DNAH3: variants seen among roughly 807,000 people sequenced by gnomAD.
The protein encoded by DNAH3 is dynein axonemal heavy chain 3.
Under a neutral mutation model 432.5 loss-of-function variants are expected in DNAH3, and 332 were observed. The ratio of observed to expected loss-of-function variants is 0.77; its 90% CI spans 0.70 to 0.84. The LOEUF (loss-of-function observed/expected upper bound fraction) is 0.84. Ranked by LOEUF, DNAH3 falls within the 40% of genes least tolerant of loss-of-function variation. The pLI, the probability that DNAH3 is intolerant of heterozygous loss-of-function variation, is 0.00. For synonymous variants in DNAH3, 1,956 were observed against 1,900.2 expected, an observed-to-expected ratio of 1.03 and a Z score of -0.76; for missense variants, 4,861 against 5,114.0, an observed-to-expected ratio of 0.95 and a Z score of 1.51.
rs1696337143 is a variant in DNAH3 at position 20,984,198 on chromosome 16, CGCATGCGTGCGTGTGTGT to C, written c.7665+861_7665+878del. Among the ~76,000 whole-genome samples, 6 of 150,122 alleles carry C rather than the reference CGCATGCGTGCGTGTGTGT, an allele frequency of 4.0e-5. No homozygotes were observed. In the South Asian group the frequency reaches 1.3e-3, roughly 32 times the overall value. ...GTGTGTGTATATGTGTGCACGTGTG[CGCATGCGTGCGTGTGTGT>C]GTGTGTGTATGCATGCATGAACACA... On this transcript the variant is annotated intron_variant, in intron 48 of 61. Coordinates refer to ENST00000261383, the Ensembl canonical transcript of DNAH3.
At position 20,961,926 on chromosome 16, in the gene DNAH3, C is replaced by A. The variant is rs180941743; in HGVS notation, c.10600+1358G>T. On this transcript the variant is annotated intron_variant, in intron 53 of 61. Transcript: ENST00000261383. Reference sequence around the variant, plus strand: ...CAGTAATCCCAGCACTTTGGGAGGCCGAGGTGGGTGGATCACTTGAGGTCA... The same window carrying A: ...CAGTAATCCCAGCACTTTGGGAGGCAGAGGTGGGTGGATCACTTGAGGTCA... 7.3e-5 allele frequency among the ~76,000 whole-genome samples: 11 copies of A among 151,576 alleles called. No individual in the cohort carries two copies. In the East Asian group the frequency reaches 2.1e-3, roughly 30 times the overall value.
chr16:21,072,217 TTTAA>T (rs199648098), intron 21 of DNAH3, among the ~76,000 whole-genome samples: 246 of 141,582 alleles, frequency 1.7e-3, no homozygotes, highest in African/African-American at 4.0e-3. Context: ...GGGACCTTTG[TTTAA>T]TTAATTAATT....
At chr16:21,155,188 G>A (rs1325615333) in intron 1 of DNAH3, among the ~76,000 whole-genome samples, 1 of 151,832 alleles carries the variant, frequency 6.6e-6, no homozygotes, top group East Asian at 2.0e-4. Context: ...GACCTCAAGT[G>A]ATCTGCCCAC....
chr16:21,139,262 C>A (rs905539479), intron 5 of DNAH3, among the ~76,000 whole-genome samples: 1 of 138,138 alleles, frequency 7.2e-6, no homozygotes. Flanking sequence ...TGCTTAGCAC[C>A]AAATATTTTA....
intron 23 of DNAH3, 103 bp from the exon 24 acceptor site, chr16:21,067,522 C>G (rs1186835435): frequency 3.2e-6 from 4 of 1,256,210 alleles, no homozygotes; most frequent in Admixed American, 1.8e-5. Context: ...CACTCCTTGT[C>G]CAGCTAACTG....
intron 7 of DNAH3, among the ~76,000 whole-genome samples, chr16:21,132,140 G>A (rs573860549): frequency 6.6e-6 from 1 of 152,052 alleles, no homozygotes; most frequent in Admixed American, 6.6e-5. Context: ...TTTCACTGAT[G>A]GGCTCTGTCC....
At chr16:21,067,772 G>GGGGGGGGAGGGAGGGA (rs1555545837) in intron 23 of DNAH3, among the ~76,000 whole-genome samples, 2 of 23,746 alleles carry the variant, frequency 8.4e-5, no homozygotes, top group Non-Finnish European at 1.4e-4. Context: ...GGGGGGGTGG[G>GGGGGGGGAGGGAGGGA]GAGGGAGAGA....
At chr16:21,155,057 C>T (rs1463177920) in intron 1 of DNAH3, among the ~76,000 whole-genome samples, 1 of 149,292 alleles carries the variant, frequency 6.7e-6, no homozygotes, top group African/African-American at 2.5e-5. Context: ...TCAAGTGATT[C>T]TCTTGCCTCA....
At chr16:21,068,325 T>TGGGGGGGGGGGGGGGGGGGG (rs10547729) in intron 23 of DNAH3, among the ~76,000 whole-genome samples, 1 of 76,668 alleles carries the variant, frequency 1.3e-5, no homozygotes, top group African/African-American at 4.6e-5. Flanking sequence ...TTTTTTTGGG[T>TGGGGGGGGGGGGGGGGGGGG]GGGGGGGGGG....
At position 21,075,593 on chromosome 16, in the gene DNAH3, A is replaced by G. The variant is rs754426754; in HGVS notation, c.2970-32T>C. On this transcript the variant is annotated intron_variant, in intron 20 of 61. Transcript: ENST00000261383. ...AGAGAACACAGCAACAGCAACATCAACAGGAGGCAGAGAAGACACATCAAA... is the reference window on the plus strand; with the variant it reads ...AGAGAACACAGCAACAGCAACATCAGCAGGAGGCAGAGAAGACACATCAAA... 13 of 1,516,406 alleles carry G rather than the reference A, an allele frequency of 8.6e-6. No individual in the cohort carries two copies. In the Admixed American group the frequency reaches 2.2e-4, roughly 25 times the overall value. 93.9% of individuals were successfully genotyped at this position (1,516,406 alleles called of 1,614,324 possible).
chr16:21,031,474 C>A (rs1046857545), intron 36 of DNAH3, among the ~76,000 whole-genome samples, 188 bp from the exon 37 acceptor site: 5 of 152,056 alleles, frequency 3.3e-5, no homozygotes, highest in African/African-American at 1.2e-4. Context: ...TAGTAGCTCA[C>A]ACCCATAATC....
chr16:21,068,344 T>A, intron 23 of DNAH3, among the ~76,000 whole-genome samples: 1 of 147,156 alleles, frequency 6.8e-6, no homozygotes, highest in Non-Finnish European at 1.5e-5. Flanking sequence ...GGACAGAGTC[T>A]CGCTCTGTTG....
intron 24 of DNAH3, among the ~76,000 whole-genome samples, chr16:21,063,507 ATATTTTATTT>A (rs994732981): frequency 5.1e-4 from 75 of 147,842 alleles, no homozygotes; most frequent in African/African-American, 1.7e-3. Context: ...TTATTATTTT[ATATTTTATTT>A]TATTTTATTT....
intron 18 of DNAH3, among the ~76,000 whole-genome samples, chr16:21,088,618 C>T (rs111242351): frequency 6.0e-4 from 91 of 152,272 alleles, no homozygotes; most frequent in African/African-American, 2.1e-3. Context: ...ATCCACATGA[C>T]GTGGTAGCTT....
intron 36 of DNAH3, among the ~76,000 whole-genome samples, chr16:21,033,762 G>A (rs1212173027): frequency 6.6e-6 from 1 of 152,126 alleles, no homozygotes; most frequent in Non-Finnish European, 1.5e-5. Flanking sequence ...AGGCCTTAAT[G>A]ATATGCACAT....
intron 42 of DNAH3, among the ~76,000 whole-genome samples, chr16:21,001,872 A>G (rs1279484696): frequency 6.6e-6 from 1 of 152,218 alleles, no homozygotes; most frequent in African/African-American, 2.4e-5. Flanking sequence ...AGGAACTAGG[A>G]CAATTGTTTG....
intron 11 of DNAH3, among the ~76,000 whole-genome samples, chr16:21,119,189 C>T (rs2092278671): frequency 6.6e-6 from 1 of 152,106 alleles, no homozygotes; most frequent in Non-Finnish European, 1.5e-5. Flanking sequence ...TGCCCCCAGG[C>T]CATGTGACAG....
chr16:21,019,489 T>C lies in DNAH3; in HGVS notation c.6022+135A>G, dbSNP rs28685729. The C allele has an allele frequency of 4.4e-3, 4,249 of 958,396 alleles. 117 individuals are homozygous for C. The African/African-American group carries it at 0.061, about 14-fold the overall frequency. 59.4% of individuals were successfully genotyped at this position (958,396 alleles called of 1,614,324 possible). On this transcript the variant is annotated intron_variant, in intron 41 of 61. Coordinates refer to ENST00000261383, the Ensembl canonical transcript of DNAH3. Reference sequence around the variant, plus strand: ...ATGATATTTTAATTCTGTAATTCCTTACATATTTATTAGCCACCGTGCCTG... The same window carrying C: ...ATGATATTTTAATTCTGTAATTCCTCACATATTTATTAGCCACCGTGCCTG...
intron 58 of DNAH3, among the ~76,000 whole-genome samples, chr16:20,944,228 T>C (rs371259271): frequency 3.9e-5 from 6 of 152,150 alleles, no homozygotes; most frequent in South Asian, 2.1e-4. Flanking sequence ...AAACCCATTA[T>C]GTAAATGGAG....
Sources: allele counts gnomAD v4.1 joint callset (sites outside exome capture counted in the v4.1 genomes callset), GRCh38; gene constraint gnomAD v4.1.1; transcripts MANE v1.5; gene names NCBI Gene and HGNC (gene_info 2026-07-23, HGNC 2026-07-21).